PLXDC2: variants seen among roughly 807,000 people sequenced by gnomAD.
PLXDC2 encodes plexin domain containing 2.
PLXDC2 carries 40 observed loss-of-function variants against 68.9 expected under a neutral mutation model. That is an observed-to-expected ratio of 0.58 (90% CI 0.45 to 0.76). The LOEUF is 0.76. PLXDC2 is among the 30% of genes least tolerant of loss of function. The pLI, the probability that PLXDC2 is intolerant of heterozygous loss-of-function variation, is 0.00. For synonymous variants in PLXDC2, 243 were observed against 234.2 expected, an observed-to-expected ratio of 1.04 and a Z score of -0.34; for missense variants, 644 against 661.9, an observed-to-expected ratio of 0.97 and a Z score of 0.30.
intron 13 of PLXDC2, among the ~76,000 whole-genome samples, chr10:20,259,510 T>C (rs1422520511): frequency 6.6e-6 from 1 of 152,222 alleles, no homozygotes; most frequent in East Asian, 1.9e-4. Flanking sequence ...AAAAATTAGC[T>C]GACAGTTTAT....
At chr10:20,045,503 T>A (rs1253522299) in intron 2 of PLXDC2, among the ~76,000 whole-genome samples, 6 of 152,176 alleles carry the variant, frequency 3.9e-5, no homozygotes, top group Non-Finnish European at 8.8e-5. Flanking sequence ...CTGTTAACAT[T>A]TAATCACTAT....
intron 2 of PLXDC2, among the ~76,000 whole-genome samples, chr10:20,022,755 G>A (rs1835333546): frequency 6.6e-6 from 1 of 152,074 alleles, no homozygotes; most frequent in African/African-American, 2.4e-5. Context: ...GAAGAGTGAT[G>A]TACATGCAAA....
intron 1 of PLXDC2, among the ~76,000 whole-genome samples, chr10:19,993,806 G>A (rs910189722): frequency 6.6e-6 from 1 of 152,148 alleles, no homozygotes; most frequent in Non-Finnish European, 1.5e-5. Flanking sequence ...ATTGCCAAAT[G>A]TTTTTCACCA....
rs374900561 is a variant in PLXDC2, at chr10:20,125,330, C to T, written c.542-17965C>T. 3.9e-5 allele frequency among the ~76,000 whole-genome samples: 6 copies of T among 152,266 alleles called. No individual in the cohort carries two copies. In the East Asian group the frequency reaches 5.8e-4, roughly 15 times the overall value. ...GCACCTAAGGAAGATTGAAATGAAT[C>T]CTATGAGCCTGGTCCTAGCCGAGCA... On this transcript the variant is annotated intron_variant, in intron 4 of 13. Coordinates refer to ENST00000377252, the MANE Select transcript of PLXDC2 (RefSeq NM_032812.9).
At chr10:20,149,175 C>A (rs1346041727) in intron 6 of PLXDC2, among the ~76,000 whole-genome samples, 1 of 150,638 alleles carries the variant, frequency 6.6e-6, no homozygotes, top group African/African-American at 2.4e-5. Context: ...ATTTTCTCGC[C>A]CAGGTACTAA....
At position 19,816,680 on chromosome 10, in the gene PLXDC2, A is replaced by C; in HGVS notation, c.-400A>C. On this transcript the variant is annotated 5_prime_UTR_variant, in exon 1 of 14. Transcript: ENST00000377252. ...GGCAGGCAGCGGCGCTGGCTGTGGAATTAGATCTGTTTTGAACCCAGTGGA... is the reference window on the plus strand; with the variant it reads ...GGCAGGCAGCGGCGCTGGCTGTGGACTTAGATCTGTTTTGAACCCAGTGGA... The C allele has an allele frequency of 7.5e-5, 19 of 254,074 alleles. No homozygotes were observed. The highest frequency in any genetic ancestry group is 9.5e-5 in the East Asian group (1 of 10,578). The allele number at this position is 254,074 out of a possible 1,614,324, so 15.7% of individuals were successfully genotyped here.
chr10:19,926,963 C>G (rs1036734288), intron 1 of PLXDC2, among the ~76,000 whole-genome samples: 2 of 152,180 alleles, frequency 1.3e-5, no homozygotes, highest in Non-Finnish European at 2.9e-5. Flanking sequence ...GTCTTTCTGT[C>G]TCTTTCCTCA....
At chr10:20,022,591 T>C (rs910017704) in intron 2 of PLXDC2, among the ~76,000 whole-genome samples, 1 of 151,988 alleles carries the variant, frequency 6.6e-6, no homozygotes, top group African/African-American at 2.4e-5. Flanking sequence ...CTTTCTAGAG[T>C]AAGGATTAGA....
chr10:20,165,190 T>C (rs1834357848), intron 7 of PLXDC2, among the ~76,000 whole-genome samples: 1 of 152,114 alleles, frequency 6.6e-6, no homozygotes, highest in South Asian at 2.1e-4. Context: ...CAGTGACAGA[T>C]TATTGGATTG....
At chr10:19,966,817 T>A (rs1327008578) in intron 1 of PLXDC2, among the ~76,000 whole-genome samples, 2 of 151,904 alleles carry the variant, frequency 1.3e-5, no homozygotes, top group Non-Finnish European at 1.5e-5. Context: ...CATTTTTTTT[T>A]TCCCCCAGCA....
At chr10:20,191,888 C>T (rs919692793) in intron 9 of PLXDC2, among the ~76,000 whole-genome samples, 7 of 151,940 alleles carry the variant, frequency 4.6e-5, no homozygotes, top group African/African-American at 1.4e-4. Flanking sequence ...AAGGGTAAGC[C>T]TGCCTTATAC....
chr10:20,053,409 C>G (rs186582619), intron 3 of PLXDC2, among the ~76,000 whole-genome samples: 1 of 152,068 alleles, frequency 6.6e-6, no homozygotes, highest in African/African-American at 2.4e-5. Flanking sequence ...AGGTAAGCAA[C>G]GAGGCAGGCA....
rs1836119214 is a variant in PLXDC2, at chr10:20,284,308, TATAC to T, written c.*4493_*4496del. The T allele has an allele frequency of 8.4e-6, 1 of 119,224 alleles. No homozygotes were observed. Among genetic ancestry groups the T allele is most frequent in the Non-Finnish European group, 1.7e-5 (1 of 59,458 alleles). 7.4% of individuals were successfully genotyped at this position (119,224 alleles called of 1,614,324 possible). A position where few individuals can be genotyped will look rare whatever the true frequency, so the allele number is the denominator to read the frequency against. On this transcript the variant is annotated 3_prime_UTR_variant, in exon 14 of 14. Transcript: ENST00000377252. Reference sequence around the variant, plus strand: ...CATAGTGAGACCCATCTCTATCAAATATACATATATATATATATATATACACACA... The same window carrying T: ...CATAGTGAGACCCATCTCTATCAAATATATATATATATATATATACACACA...
intron 4 of PLXDC2, among the ~76,000 whole-genome samples, chr10:20,121,864 A>G (rs2131761678): frequency 6.6e-6 from 1 of 152,306 alleles, no homozygotes; most frequent in East Asian, 1.9e-4. Context: ...CAGGCGAGTG[A>G]TAACAGGCTT....
At chr10:20,149,625 T>C (rs920781335) in intron 6 of PLXDC2, among the ~76,000 whole-genome samples, 2 of 152,170 alleles carry the variant, frequency 1.3e-5, no homozygotes, top group Admixed American at 1.3e-4. Flanking sequence ...CTTTGGCCCA[T>C]GCATTCTCAT....
chr10:19,860,243 T>A (rs1413117944), intron 1 of PLXDC2, among the ~76,000 whole-genome samples: 1 of 152,196 alleles, frequency 6.6e-6, no homozygotes, highest in Non-Finnish European at 1.5e-5. Flanking sequence ...AACAATTATG[T>A]TTGTTCACTG....
intron 2 of PLXDC2, among the ~76,000 whole-genome samples, chr10:20,029,128 C>G (rs1835456326): frequency 6.6e-6 from 1 of 152,116 alleles, no homozygotes; most frequent in Admixed American, 6.6e-5. Flanking sequence ...GTTTAATGCT[C>G]TTACTTCTAT....
At chr10:20,183,103 G>A (rs1834629878) in intron 9 of PLXDC2, among the ~76,000 whole-genome samples, 1 of 151,898 alleles carries the variant, frequency 6.6e-6, no homozygotes, top group Non-Finnish European at 1.5e-5. Flanking sequence ...ATAAAGACTA[G>A]GATGAAAAGA....
rs1838082979 is a variant in PLXDC2, at chr10:19,897,623, G to A, written c.112+80432G>A. Among the ~76,000 whole-genome samples, 3 of 152,088 alleles carry A rather than the reference G, an allele frequency of 2.0e-5. No homozygotes were observed. The East Asian group carries it at 5.8e-4, about 29-fold the overall frequency. On this transcript the variant is annotated intron_variant, in intron 1 of 13. Transcript: ENST00000377252. ...ACATAAGTACATGCTTCTGTGTTGTGTTTAAATTTTTAAGCTTTTTTAAGA... is the reference window on the plus strand; with the variant it reads ...ACATAAGTACATGCTTCTGTGTTGTATTTAAATTTTTAAGCTTTTTTAAGA...
Sources: allele counts gnomAD v4.1 joint callset (sites outside exome capture counted in the v4.1 genomes callset), GRCh38; gene constraint gnomAD v4.1.1; transcripts MANE v1.5; gene names NCBI Gene and HGNC (gene_info 2026-07-23, HGNC 2026-07-21).